Variants in NRG1 observed in about 807,000 individuals in gnomAD.
NRG1 encodes the protein pro-neuregulin-1, membrane-bound isoform.
A neutral mutation model predicts 63.8 loss-of-function variants in NRG1; 18 were observed. The ratio of observed to expected loss-of-function variants is 0.28; its 90% confidence interval spans 0.19 to 0.42. NRG1 has a LOEUF of 0.42. Among genes scored for constraint, NRG1 ranks in the 10% least tolerant of loss-of-function variants. The pLI, the probability that NRG1 is intolerant of heterozygous loss-of-function variation, is 1.00. For missense variants in NRG1, 762 were observed against 814.7 expected (o/e 0.94, Z 0.79); for synonymous variants, 302 against 301.3 (o/e 1.00, Z -0.02).
At chr8:32,370,610 C>T (rs185939389) in intron 1 of NRG1, among the ~76,000 whole-genome samples, 6 of 152,230 alleles carry the variant, frequency 3.9e-5, no homozygotes, top group Admixed American at 3.3e-4. Flanking sequence ...CTAATCCCAA[C>T]ACTTTGGGAG....
intron 1 of NRG1, among the ~76,000 whole-genome samples, chr8:31,655,484 A>G (rs1389978406): frequency 6.6e-6 from 1 of 152,182 alleles, no homozygotes; most frequent in African/African-American, 2.4e-5. Flanking sequence ...TGCATTTCCA[A>G]CCTTGGGGCA....
chr8:31,759,587 A>G (rs1157459194), intron 1 of NRG1, among the ~76,000 whole-genome samples: 3 of 152,044 alleles, frequency 2.0e-5, no homozygotes, highest in Non-Finnish European at 2.9e-5. Context: ...TTTGTTGTCT[A>G]TTTGTCTACT....
At chr8:32,050,041 G>T (rs1007999528) in intron 1 of NRG1, among the ~76,000 whole-genome samples, 3 of 152,130 alleles carry the variant, frequency 2.0e-5, no homozygotes, top group East Asian at 1.9e-4. Flanking sequence ...TATAGATTAT[G>T]AAGAGCCTCC....
intron 7 of NRG1, among the ~76,000 whole-genome samples, chr8:32,748,162 A>G (rs72636311): frequency 0.14 from 20,820 of 151,892 alleles, 2,099 homozygotes; most frequent in East Asian, 0.43. Context: ...TAAGAGAAAC[A>G]CCCCTCCACA....
chr8:31,945,922 A>G (rs1280074707), intron 1 of NRG1, among the ~76,000 whole-genome samples: 5 of 152,206 alleles, frequency 3.3e-5, no homozygotes, highest in Non-Finnish European at 7.4e-5. Context: ...ACCATTTACT[A>G]TGTTCTGAAG....
At chr8:32,209,117 A>G (rs1200906232) in intron 1 of NRG1, among the ~76,000 whole-genome samples, 1 of 152,190 alleles carries the variant, frequency 6.6e-6, no homozygotes, top group African/African-American at 2.4e-5. Flanking sequence ...CTGAAATATA[A>G]GGATAATAAT....
chr8:32,260,621 A>G (rs1033916038), intron 1 of NRG1, among the ~76,000 whole-genome samples: 1 of 151,960 alleles, frequency 6.6e-6, no homozygotes, highest in Non-Finnish European at 1.5e-5. Flanking sequence ...TTTCTCAACA[A>G]CTCTCAGACT....
At chr8:31,639,974 C>A in intron 1 of NRG1, 1 of 1,128,468 alleles carries the variant, frequency 8.9e-7, no homozygotes, top group Non-Finnish European at 1.1e-6. Context: ...AGCCCGCACG[C>A]ACCTCGCACC....
chr8:31,647,162 C>A (rs1804368058), intron 1 of NRG1, among the ~76,000 whole-genome samples: 1 of 152,220 alleles, frequency 6.6e-6, no homozygotes. Flanking sequence ...GATCTCTCTT[C>A]ACAGGTGTTT....
chr8:32,629,423 TTCCCAGGG>T (rs1199119438), intron 5 of NRG1, among the ~76,000 whole-genome samples: 1 of 152,188 alleles, frequency 6.6e-6, no homozygotes, highest in Admixed American at 6.5e-5. Context: ...ACTATGCCAG[TTCCCAGGG>T]AGTATTTATT....
intron 1 of NRG1, among the ~76,000 whole-genome samples, chr8:32,573,066 A>T (rs771875495): frequency 1.1e-4 from 17 of 152,200 alleles, no homozygotes; most frequent in Admixed American, 4.6e-4. Context: ...TCTTCTCCTT[A>T]TCTGAATGGG....
chr8:32,554,265 T>G (rs1424321001), intron 1 of NRG1, among the ~76,000 whole-genome samples: 1 of 152,212 alleles, frequency 6.6e-6, no homozygotes, highest in Non-Finnish European at 1.5e-5. Context: ...TATTTTGGAT[T>G]TCTCCTAATT....
intron 1 of NRG1, among the ~76,000 whole-genome samples, chr8:32,293,401 G>A (rs1209613779): frequency 6.6e-6 from 1 of 152,132 alleles, no homozygotes; most frequent in East Asian, 1.9e-4. Flanking sequence ...TGAGAGGCAA[G>A]GAACAGATTT....
chr8:32,636,117 C>G lies in NRG1; in HGVS notation c.502+19232C>G, dbSNP rs77882792. 6.4e-4 allele frequency among the ~76,000 whole-genome samples: 97 copies of G among 152,070 alleles called. 1 individual carries two copies. The East Asian group carries it at 0.018, about 28-fold the overall frequency. On this transcript the variant is annotated intron_variant, in intron 5 of 11. Coordinates refer to ENST00000356819, the Ensembl canonical transcript of NRG1. ...AAGGTGGTAAAATTTTTGAGAAACA[C>G]TTCTAAAGACTTATGTTTTGTTTTA...
chr8:31,858,127 G>A (rs150944249), intron 1 of NRG1, among the ~76,000 whole-genome samples: 1 of 152,140 alleles, frequency 6.6e-6, no homozygotes, highest in Non-Finnish European at 1.5e-5. Flanking sequence ...GTGAAACCCT[G>A]TCTGTACTAA....
At chr8:32,479,946 C>A (rs1438705381) in intron 1 of NRG1, among the ~76,000 whole-genome samples, 2 of 152,142 alleles carry the variant, frequency 1.3e-5, no homozygotes, top group African/African-American at 4.8e-5. Flanking sequence ...CCACGCCCAG[C>A]CCATTCTTGT....
intron 1 of NRG1, among the ~76,000 whole-genome samples, chr8:32,076,564 A>G (rs965149400): frequency 6.6e-6 from 1 of 152,096 alleles, no homozygotes; most frequent in Admixed American, 6.6e-5. Context: ...ACTGGGGTCT[A>G]TCGGAGGGTG....
intron 1 of NRG1, among the ~76,000 whole-genome samples, chr8:31,762,331 T>A (rs1289416466): frequency 1.3e-5 from 2 of 152,208 alleles, no homozygotes; most frequent in Non-Finnish European, 2.9e-5. Flanking sequence ...TTGCTGAGGA[T>A]GATAGCTTCC....
intron 1 of NRG1, among the ~76,000 whole-genome samples, chr8:31,883,363 A>T (rs1830495273): frequency 6.6e-6 from 1 of 152,126 alleles, no homozygotes; most frequent in Non-Finnish European, 1.5e-5. Context: ...ATGCACTGGG[A>T]AACCAAAAAA....
Sources: gnomAD v4.1 joint callset for allele counts (sites outside exome capture counted in the v4.1 genomes callset) on GRCh38, gnomAD v4.1.1 for gene constraint, MANE v1.5 for transcripts, NCBI Gene and HGNC (gene_info 2026-07-23, HGNC 2026-07-21) for gene names.